Variants in WIPI1 observed in about 807,000 individuals in gnomAD.
WIPI1 encodes WD repeat domain, phosphoinositide interacting 1.
A neutral mutation model predicts 55.3 loss-of-function variants in WIPI1; 45 were observed. That is an observed-to-expected ratio of 0.81 (90% CI 0.64 to 1.04). The LOEUF (loss-of-function observed/expected upper bound fraction) is 1.04. Ranked by LOEUF, WIPI1 falls within the 50% of genes least tolerant of loss-of-function variation. The pLI, the probability that WIPI1 is intolerant of heterozygous loss-of-function variation, is 0.00. For missense variants in WIPI1, 445 were observed against 559.0 expected, an observed-to-expected ratio of 0.80 and a Z score of 2.06; for synonymous variants, 195 against 217.6, an observed-to-expected ratio of 0.90 and a Z score of 0.92.
At chr17:68,453,472 T>G (rs757163742) in intron 1 of WIPI1, among the ~76,000 whole-genome samples, 20 of 151,532 alleles carry the variant, frequency 1.3e-4, no homozygotes, top group South Asian at 6.2e-4. Flanking sequence ...GCTTTGCTTT[T>G]CTTTTCCTTT....
chr17:68,426,346 AT>A (rs1237730367), intron 11 of WIPI1, among the ~76,000 whole-genome samples, 171 bp from the exon 12 acceptor site: 6 of 151,828 alleles, frequency 4.0e-5, no homozygotes, highest in Non-Finnish European at 7.4e-5. Flanking sequence ...ACCATCTGCC[AT>A]CTTTAAGCCT....
rs1426870252 is a variant in WIPI1 at position 68,435,600 on chromosome 17, G to A, written c.621+20C>T. The A allele has an allele frequency of 2.5e-6, 4 of 1,612,150 alleles. No individual in the cohort carries two copies. Among genetic ancestry groups the A allele is most frequent in the Non-Finnish European group, 1.7e-6 (2 of 1,178,488 alleles). On this transcript the variant is annotated intron_variant, in intron 6 of 12. Transcript: ENST00000262139. The stretch of plus-strand genomic sequence containing the variant: ...CATCCAGCGAAACCCAGACAGAGGT[G>A]TTGGTGGGAGTGGACTCACTTTTTC...
intron 4 of WIPI1, among the ~76,000 whole-genome samples, chr17:68,437,948 TA>T (rs199649033): frequency 0.16 from 12,115 of 77,434 alleles, 816 homozygotes; most frequent in East Asian, 0.28. Flanking sequence ...ACATCTCTCT[TA>T]AAAAAAAAAA....
intron 8 of WIPI1, among the ~76,000 whole-genome samples, chr17:68,432,538 G>A (rs1395608112): frequency 2.0e-5 from 3 of 152,072 alleles, no homozygotes; most frequent in African/African-American, 7.2e-5. Flanking sequence ...CATGAGGTCC[G>A]CATGTGTCAG....
chr17:68,421,671 C>G lies in WIPI1; in HGVS notation c.*102G>C. 2 of 1,531,478 alleles carry G rather than the reference C, an allele frequency of 1.3e-6. No homozygotes were observed. The highest frequency in any genetic ancestry group is 2.3e-5 in the East Asian group (1 of 44,440). 94.9% of individuals were successfully genotyped at this position (1,531,478 alleles called of 1,614,324 possible). ...AGTGGAGCACCCGGGATTCCTGCCC[C>G]CCTTTCTGCTCACACAATTGCACTC... On this transcript the variant is annotated 3_prime_UTR_variant, in exon 13 of 13. Transcript: ENST00000262139.
intron 10 of WIPI1, chr17:68,428,617 T>C: frequency 1.9e-6 from 1 of 516,328 alleles, no homozygotes; most frequent in Non-Finnish European, 3.5e-6. Context: ...TGTGTGTTAT[T>C]AATCCTGGCA....
At chr17:68,454,884 C>T (rs979696389) in intron 1 of WIPI1, among the ~76,000 whole-genome samples, 14 of 150,948 alleles carry the variant, frequency 9.3e-5, no homozygotes, top group African/African-American at 2.9e-4. Flanking sequence ...ATGAGAAAAT[C>T]ACAGAGTGAT....
intron 10 of WIPI1, chr17:68,427,702 A>G (rs1287653724): frequency 1.9e-5 from 3 of 158,778 alleles, no homozygotes; most frequent in South Asian, 1.8e-4. Context: ...ACACACCGTC[A>G]AAATGGCCTC....
chr17:68,444,592 G>A lies in WIPI1; in HGVS notation c.334-3C>T. ...TCTTCTAGGCAAACCAGCAGCCTCTGTAATCACACAGACTTATCAGTCTAC... is the reference window on the plus strand; with the variant it reads ...TCTTCTAGGCAAACCAGCAGCCTCTATAATCACACAGACTTATCAGTCTAC... On this transcript the variant is annotated splice_region_variant and splice_polypyrimidine_tract_variant and intron_variant, in intron 3 of 12. Coordinates refer to ENST00000262139, the MANE Select transcript of WIPI1 (RefSeq NM_017983.7). The A allele has an allele frequency of 6.2e-7, 1 of 1,611,792 alleles. No homozygotes were observed. Among genetic ancestry groups the A allele is most frequent in the African/African-American group, 1.3e-5 (1 of 74,930 alleles).
At chr17:68,430,888 G>C (rs1452833276) in intron 8 of WIPI1, among the ~76,000 whole-genome samples, 1 of 152,216 alleles carries the variant, frequency 6.6e-6, no homozygotes. Context: ...TGCAGGATTA[G>C]GTCCTGGTGG....
At chr17:68,428,576 T>G in intron 10 of WIPI1, 1 of 406,052 alleles carries the variant, frequency 2.5e-6, no homozygotes, top group African/African-American at 2.0e-5. Context: ...CAGGGCTGTG[T>G]TAGGAGCATA....
intron 3 of WIPI1, among the ~76,000 whole-genome samples, chr17:68,446,651 A>T (rs1185567542): frequency 1.3e-5 from 2 of 152,196 alleles, no homozygotes; most frequent in Non-Finnish European, 2.9e-5. Context: ...CGTGGTTAGA[A>T]CTACGTGGTT....
chr17:68,426,300 C>T, intron 11 of WIPI1, 125 bp from the exon 12 acceptor site: 3 of 742,676 alleles, frequency 4.0e-6, no homozygotes, highest in South Asian at 1.6e-5. Context: ...TGTCTTCCCC[C>T]TGGAGGTACT....
chr17:68,452,544 G>A lies in WIPI1; in HGVS notation c.163+366C>T, dbSNP rs539675397. Among the ~76,000 whole-genome samples the A allele has an allele frequency of 7.2e-5, 11 of 152,276 alleles. No individual in the cohort carries two copies. The East Asian group carries it at 2.1e-3, about 29-fold the overall frequency. The stretch of plus-strand genomic sequence containing the variant: ...CGTGCCACTGCACTCCAGCCTGGGT[G>A]ATAGAGCAAGACTCCATCTCAAAAA... On this transcript the variant is annotated intron_variant, in intron 2 of 12. Coordinates refer to ENST00000262139, the MANE Select transcript of WIPI1 (RefSeq NM_017983.7).
intron 7 of WIPI1, among the ~76,000 whole-genome samples, 185 bp from the exon 8 acceptor site, chr17:68,433,760 GTTTTTTTTTTTTTTTTTTTT>G (rs556777098): frequency 8.2e-5 from 6 of 72,814 alleles, no homozygotes; most frequent in Admixed American, 1.8e-4. Flanking sequence ...AAGGGTCATA[GTTTTTTTTTTTTTTTTTTTT>G]TTTTTTTTTT....
intron 4 of WIPI1, among the ~76,000 whole-genome samples, chr17:68,438,802 T>C (rs1236123594): frequency 1.3e-5 from 2 of 152,240 alleles, no homozygotes; most frequent in Admixed American, 6.5e-5. Context: ...GGTTTCACCA[T>C]GTTGGCCAGG....
chr17:68,441,908 A>G (rs1293977442), intron 4 of WIPI1, among the ~76,000 whole-genome samples: 1 of 152,230 alleles, frequency 6.6e-6, no homozygotes, highest in Non-Finnish European at 1.5e-5. Context: ...CTGGTCTTTC[A>G]GAAGAAATAC....
intron 11 of WIPI1, among the ~76,000 whole-genome samples, chr17:68,426,404 A>G (rs546141142): frequency 6.6e-6 from 1 of 151,798 alleles, no homozygotes; most frequent in South Asian, 2.1e-4. Context: ...ACCTCTTTGA[A>G]TTTTTCTTTG....
intron 2 of WIPI1, 52 bp from the exon 3 acceptor site, chr17:68,450,949 G>A (rs2084476748): frequency 6.4e-7 from 1 of 1,569,438 alleles, no homozygotes; most frequent in Non-Finnish European, 8.6e-7. Context: ...TTCCAAGAAG[G>A]ATTCCAGCCT....
Sources: allele counts gnomAD v4.1 joint callset (sites outside exome capture counted in the v4.1 genomes callset), GRCh38; gene constraint gnomAD v4.1.1; transcripts MANE v1.5; gene names NCBI Gene and HGNC (gene_info 2026-07-23, HGNC 2026-07-21).